Variants in RNFT1 observed in about 807,000 individuals in gnomAD.
The protein encoded by RNFT1 is ring finger protein, transmembrane 1.
In RNFT1, 35 loss-of-function variants were observed where a neutral mutation model predicts 53.2. That is an observed-to-expected ratio of 0.66 (90% confidence interval 0.50 to 0.87). RNFT1 has a LOEUF of 0.87. Ranked by LOEUF, RNFT1 falls within the 40% of genes least tolerant of loss-of-function variation. RNFT1 has a pLI of 0.00. For missense variants in RNFT1, 421 were observed against 515.0 expected, an observed-to-expected ratio of 0.82 and a Z score of 1.77; for synonymous variants, 141 against 172.8, an observed-to-expected ratio of 0.82 and a Z score of 1.44.
chr17:59,957,843 T>TCAAAA (rs1423973972), intron 5 of RNFT1, among the ~76,000 whole-genome samples: 1 of 151,848 alleles, frequency 6.6e-6, no homozygotes, highest in African/African-American at 2.4e-5. Context: ...AGAGACAATC[T>TCAAAA]CAAAACAAAA....
In RNFT1 at chr17:59,953,074, T is replaced by C. The variant is rs2045231370; in HGVS notation, c.1211A>G (p.Asn404Ser). ...GCAGAGTGGACATGTTTTCTCTCTG[T>C]TAAACCATAAGGTCATGCACTCTTC... ...FCEECMTLWF[N>S]REKTCPLCRT... Residue 404 changes from asparagine (N) to serine (S), a missense_variant, in exon 9 of 9, where the codon AAC becomes AGC. Asn to Ser is a conservative substitution (Grantham distance 46). Transcript: ENST00000305783. The C allele has an allele frequency of 6.2e-7, 1 of 1,611,692 alleles. No individual in the cohort carries two copies.
At chr17:59,964,153 C>T (rs2045317133) in intron 1 of RNFT1, among the ~76,000 whole-genome samples, 1 of 152,172 alleles carries the variant, frequency 6.6e-6, no homozygotes, top group Non-Finnish European at 1.5e-5. Context: ...GCTGACAAAA[C>T]GCAGAGGCTA....
intron 8 of RNFT1, among the ~76,000 whole-genome samples, 193 bp from the exon 9 acceptor site, chr17:59,953,304 T>C (rs763585978): frequency 1.8e-4 from 28 of 151,996 alleles, no homozygotes; most frequent in Non-Finnish European, 1.8e-4. Context: ...TTCAAGTGAT[T>C]CTCCTGCCTC....
intron 3 of RNFT1, among the ~76,000 whole-genome samples, chr17:59,962,031 A>C (rs1319258074): frequency 1.3e-5 from 2 of 151,974 alleles, no homozygotes; most frequent in Non-Finnish European, 1.5e-5. Context: ...GAATACAGGC[A>C]CATGCCACCA....
At chr17:59,957,117 A>T in intron 6 of RNFT1, 107 bp downstream of exon 6, 1 of 1,085,232 alleles carries the variant, frequency 9.2e-7, no homozygotes, top group Non-Finnish European at 1.3e-6. Flanking sequence ...ACTTCAAACT[A>T]GTGATATGAA....
chr17:59,964,557 C>A, intron 1 of RNFT1, 51 bp downstream of exon 1: 13 of 1,542,610 alleles, frequency 8.4e-6, no homozygotes, highest in Non-Finnish European at 1.1e-5. Context: ...GAGCCCCCTG[C>A]GCCGCGGCCC....
intron 8 of RNFT1, 25 bp downstream of exon 8, chr17:59,954,019 GT>G (rs1350076490): frequency 7.1e-7 from 1 of 1,407,624 alleles, no homozygotes; most frequent in Admixed American, 2.1e-5. Flanking sequence ...TTGTATTTAG[GT>G]TTTTAAATTT....
rs767989807 is a variant in RNFT1 at position 59,962,942 on chromosome 17, A to G, written c.399T>C (p.Ser133=). 6 of 1,614,128 alleles carry G rather than the reference A, an allele frequency of 3.7e-6. No individual in the cohort carries two copies. The highest frequency in any genetic ancestry group is 5.1e-6 in the Non-Finnish European group (6 of 1,180,048). Residue 133 remains serine (S), a synonymous_variant, in exon 2 of 9, where the codon TCT becomes TCC. Transcript: ENST00000305783. ...AGAAGGAGCTACTACCATGATCTCC[A>G]GATTCTGCGGCAGTATCATCAGTCA... ...ARLTDDTAAE[S]GDHGSSSFSE...
At chr17:59,963,372 A>C in intron 1 of RNFT1, 88 bp from the exon 2 acceptor site, 1 of 1,067,852 alleles carries the variant, frequency 9.4e-7, no homozygotes, top group South Asian at 1.5e-5. Context: ...TATTCACTAA[A>C]GGAGTAGCAA....
chr17:59,961,330 G>A (rs1598865997), intron 3 of RNFT1, among the ~76,000 whole-genome samples: 1 of 152,066 alleles, frequency 6.6e-6, no homozygotes, highest in East Asian at 1.9e-4. Flanking sequence ...GAGCCACTGT[G>A]CCTTGCCTGT....
Position 59,964,649 on chromosome 17 carries a change from C to T in RNFT1, c.15G>A (p.Leu5=). Residue 5 remains leucine (L), a synonymous_variant, in exon 1 of 9, where the codon TTG becomes TTA. Transcript: ENST00000305783. Reference sequence around the variant, plus strand: ...CGGACGGAGGTGTCGGGAGCGACAGCAAGAACAGCGGCATACACCGCCTCC... The same window carrying T: ...CGGACGGAGGTGTCGGGAGCGACAGTAAGAACAGCGGCATACACCGCCTCC... The part of the protein sequence containing the change: MPLF[L]LSLPTPPSAS... 6.2e-7 allele frequency: 1 copy of T among 1,608,568 alleles called. No homozygotes were observed. The highest frequency in any genetic ancestry group is 8.5e-7 in the Non-Finnish European group (1 of 1,177,682).
intron 5 of RNFT1, among the ~76,000 whole-genome samples, 185 bp downstream of exon 5, chr17:59,958,106 T>A (rs2045265410): frequency 6.6e-6 from 1 of 152,168 alleles, no homozygotes; most frequent in East Asian, 1.9e-4. Context: ...TCTGATTTTA[T>A]CCAAATAGGT....
At chr17:59,957,754 AG>A (rs1051324608) in intron 5 of RNFT1, among the ~76,000 whole-genome samples, 27 of 152,190 alleles carry the variant, frequency 1.8e-4, no homozygotes, top group African/African-American at 6.3e-4. Flanking sequence ...CTGAGGCAGG[AG>A]AACTGCCTGA....
chr17:59,963,079 T>G lies in RNFT1; in HGVS notation c.262A>C (p.Lys88Gln). 6.2e-7 allele frequency: 1 copy of G among 1,614,192 alleles called. No homozygotes were observed. The highest frequency in any genetic ancestry group is 8.5e-7 in the Non-Finnish European group (1 of 1,180,034). Residue 88 changes from lysine (K) to glutamine (Q), a missense_variant, in exon 2 of 9, where the codon AAA (lysine) becomes CAA (glutamine). By Grantham distance (53) the Lys-to-Gln change is moderately conservative. Transcript: ENST00000305783. Reference protein sequence around the residue: ...DVHIQINSIPKECAENASSRN... With the variant: ...DVHIQINSIPQECAENASSRN... ...GAGCTTGCATTTTCTGCACATTCTTTAGGTATGGAGTTTATCTGGATATGA... is the reference window on the plus strand; with the variant it reads ...GAGCTTGCATTTTCTGCACATTCTTGAGGTATGGAGTTTATCTGGATATGA...
At chr17:59,958,257 C>T in intron 5 of RNFT1, 34 bp downstream of exon 5, 1 of 1,555,506 alleles carries the variant, frequency 6.4e-7, no homozygotes, top group Non-Finnish European at 8.6e-7. Context: ...GATTCGATAA[C>T]ATCACTCCAA....
chr17:59,956,464 T>C, intron 7 of RNFT1, 24 bp downstream of exon 7: 1 of 1,580,506 alleles, frequency 6.3e-7, no homozygotes, highest in African/African-American at 1.4e-5. Context: ...AAGGTGTTTT[T>C]CTTAACTGAT....
intron 2 of RNFT1, 70 bp from the exon 3 acceptor site, chr17:59,962,686 A>G (rs866788774): frequency 3.2e-5 from 44 of 1,373,356 alleles, no homozygotes; most frequent in Non-Finnish European, 4.3e-5. Context: ...GCTAACAATG[A>G]CACAAATTAA....
rs112481698 is a variant in RNFT1, at chr17:59,958,731, G to A, written c.693-287C>T. ...AAATGAAAAAAACTCATCAATACCA[G>A]ACATCTGCTGTGTTTTTCTTAACCA... On this transcript the variant is annotated intron_variant, in intron 4 of 8. Coordinates refer to ENST00000305783, the MANE Select transcript of RNFT1 (RefSeq NM_016125.4). The A allele has an allele frequency of 2.4e-3, 1,148 of 474,196 alleles. 14 individuals carry two copies. The highest frequency in any genetic ancestry group is 0.021 in the African/African-American group (1,040 of 50,626). The allele number at this position is 474,196 out of a possible 1,614,324, so 29.4% of individuals were successfully genotyped here.
chr17:59,952,771 C>T lies in RNFT1; in HGVS notation c.*206G>A. 1 of 407,822 alleles carries T rather than the reference C, an allele frequency of 2.5e-6. No homozygotes were observed. Among genetic ancestry groups the T allele is most frequent in the Non-Finnish European group, 4.3e-6 (1 of 230,440 alleles). The allele number at this position is 407,822 out of a possible 1,614,324, so 25.3% of individuals were successfully genotyped here. A position where few individuals can be genotyped will look rare whatever the true frequency, so the allele number is the denominator to read the frequency against. The stretch of plus-strand genomic sequence containing the variant: ...AATAATTAGAATAGAATAAATGTTG[C>T]ATATACATTAGGTTGAACATTATAT... On this transcript the variant is annotated 3_prime_UTR_variant, in exon 9 of 9. Transcript: ENST00000305783.
Sources: allele counts gnomAD v4.1 joint callset (sites outside exome capture counted in the v4.1 genomes callset), GRCh38; gene constraint gnomAD v4.1.1; transcripts MANE v1.5; gene names NCBI Gene and HGNC (gene_info 2026-07-23, HGNC 2026-07-21).